VWF: variants seen among roughly 807,000 people sequenced by gnomAD.
The protein encoded by VWF is von Willebrand factor.
In VWF, 176 loss-of-function variants were observed where a neutral mutation model predicts 308.6. The ratio of observed to expected loss-of-function variants is 0.57; its 90% CI spans 0.50 to 0.65. The LOEUF is 0.65. Ranked by LOEUF, VWF falls within the 30% of genes least tolerant of loss-of-function variation. The pLI is 0.00. For synonymous variants in VWF, 1,385 were observed against 1,443.4 expected (o/e 0.96, Z 0.92); for missense variants, 3,146 against 3,648.2 (o/e 0.86, Z 3.55).
chr12:6,111,535 G>A (rs530663437), intron 3 of VWF, among the ~76,000 whole-genome samples: 1 of 152,214 alleles, frequency 6.6e-6, no homozygotes, highest in South Asian at 2.1e-4. Flanking sequence ...ACCACATCCA[G>A]CTAATTTTTT....
At chr12:5,954,127 G>A (rs1175957518) in intron 47 of VWF, among the ~76,000 whole-genome samples, 2 of 152,124 alleles carry the variant, frequency 1.3e-5, no homozygotes, top group African/African-American at 4.8e-5. Flanking sequence ...TCATCATTGA[G>A]TCTAAATAAC....
chr12:6,053,786 A>G (rs1276034568), intron 15 of VWF, among the ~76,000 whole-genome samples: 1 of 152,168 alleles, frequency 6.6e-6, no homozygotes, highest in Non-Finnish European at 1.5e-5. Context: ...GCATGTGGAG[A>G]ATGTTCACTG....
At chr12:5,975,051 AG>A (rs1391403673) in intron 43 of VWF, among the ~76,000 whole-genome samples, 12 of 152,216 alleles carry the variant, frequency 7.9e-5, no homozygotes, top group Admixed American at 7.8e-4. Context: ...AGAAAACCAA[AG>A]GGTTTCCAAA....
Position 6,058,689 on chromosome 12 carries a change from T to C in VWF, c.1534-645A>G, listed in dbSNP as rs754291369. Among the ~76,000 whole-genome samples the C allele has an allele frequency of 6.6e-6, 1 of 151,772 alleles. No homozygotes were observed. Among genetic ancestry groups the C allele is most frequent in the African/African-American group, 2.4e-5 (1 of 41,270 alleles). On this transcript the variant is annotated intron_variant, in intron 13 of 51. Transcript: ENST00000261405. This position sits in a 1 kb window ranked among gnomAD's most constrained non-coding sequence, Gnocchi z 4.9. ...CTCTGAGGGTGATGATGGATAGGAGTAGGAGTCTGCAGAGGCTCTGAGGCA... is the reference window on the plus strand; with the variant it reads ...CTCTGAGGGTGATGATGGATAGGAGCAGGAGTCTGCAGAGGCTCTGAGGCA...
chr12:6,103,438 A>ATACACGTGTGTG (rs1945200434), intron 5 of VWF, among the ~76,000 whole-genome samples: 1 of 122,176 alleles, frequency 8.2e-6, no homozygotes, highest in Admixed American at 7.9e-5. Context: ...ACACGTGTGT[A>ATACACGTGTGTG]TATACATACA....
intron 34 of VWF, among the ~76,000 whole-genome samples, chr12:6,002,676 CA>C (rs1173404770): frequency 2.0e-5 from 3 of 151,048 alleles, no homozygotes; most frequent in Non-Finnish European, 4.4e-5. Context: ...GTTACTCCAC[CA>C]AAAAAAAGAA....
intron 18 of VWF, 48 bp downstream of exon 18, chr12:6,044,243 T>G (rs773651911): frequency 1.2e-6 from 2 of 1,610,664 alleles, no homozygotes; most frequent in Non-Finnish European, 1.7e-6. Flanking sequence ...CATCCCTGCC[T>G]ACAAGAAAAC....
At chr12:5,958,534 A>C (rs1403561209) in intron 47 of VWF, among the ~76,000 whole-genome samples, 1 of 152,068 alleles carries the variant, frequency 6.6e-6, no homozygotes, top group Non-Finnish European at 1.5e-5. Flanking sequence ...CAAAAAATAC[A>C]AAAAATCAGT....
intron 5 of VWF, among the ~76,000 whole-genome samples, chr12:6,106,771 A>G (rs1648191444): frequency 6.6e-6 from 1 of 151,556 alleles, no homozygotes; most frequent in Non-Finnish European, 1.5e-5. Flanking sequence ...GCTACTAGGG[A>G]AGCTGAGACT....
intron 47 of VWF, among the ~76,000 whole-genome samples, chr12:5,958,070 T>TA (rs2136344236): frequency 6.7e-6 from 1 of 149,390 alleles, no homozygotes; most frequent in African/African-American, 2.5e-5. Flanking sequence ...TATGAAGAAA[T>TA]ACAGTGAAAA....
chr12:5,954,412 A>C (rs943978856), intron 47 of VWF, among the ~76,000 whole-genome samples: 2 of 152,230 alleles, frequency 1.3e-5, no homozygotes, highest in African/African-American at 4.8e-5. Flanking sequence ...GAAGACCAAA[A>C]TCAAGAATAA....
chr12:5,983,259 G>A lies in VWF; in HGVS notation c.6977-5C>T, dbSNP rs1565818654. 1 of 1,613,744 alleles carries A rather than the reference G, an allele frequency of 6.2e-7. No individual in the cohort carries two copies. The highest frequency in any genetic ancestry group is 1.1e-5 in the South Asian group (1 of 90,986). On this transcript the variant is annotated splice_polypyrimidine_tract_variant and splice_region_variant and intron_variant, in intron 40 of 51. Transcript: ENST00000261405. ...CACAGCTCACTGGGTCACACACTGAGGGCCAGAAAGAGAGACGTCCATGCA... is the reference window on the plus strand; with the variant it reads ...CACAGCTCACTGGGTCACACACTGAAGGCCAGAAAGAGAGACGTCCATGCA...
chr12:5,970,510 G>A lies in VWF; in HGVS notation c.7548+1089C>T, dbSNP rs112342958. The stretch of plus-strand genomic sequence containing the variant: ...CAGCCCCTGATCTGAGCTGGACCTT[G>A]ACCCTGGGGAGAAGAAACAAAACCT... On this transcript the variant is annotated intron_variant, in intron 44 of 51. Transcript: ENST00000261405. Among the ~76,000 whole-genome samples the A allele has an allele frequency of 1.7e-3, 259 of 152,262 alleles. 1 individual carries two copies. Among genetic ancestry groups the A allele is most frequent in the African/African-American group, 5.9e-3 (246 of 41,562 alleles).
intron 34 of VWF, among the ~76,000 whole-genome samples, chr12:6,000,811 C>CAAAAAAAAAAAAAAAAAAAAAAAAAAAA (rs71064181): frequency 1.4e-5 from 1 of 69,806 alleles, no homozygotes; most frequent in Non-Finnish European, 2.6e-5. Context: ...GACTCTGTCT[C>CAAAAAAAAAAAAAAAAAAAAAAAAAAAA]AAAAAAAAAA....
intron 6 of VWF, among the ~76,000 whole-genome samples, chr12:6,093,669 G>T (rs765493630): frequency 3.3e-5 from 5 of 152,214 alleles, no homozygotes; most frequent in Non-Finnish European, 7.3e-5. Flanking sequence ...CAGCTTCACA[G>T]CTGCACCTAC....
intron 47 of VWF, among the ~76,000 whole-genome samples, chr12:5,959,195 G>A (rs1943283230): frequency 6.6e-6 from 1 of 152,124 alleles, no homozygotes; most frequent in Non-Finnish European, 1.5e-5. Context: ...GCGACACAGT[G>A]AGATCCTATC....
At chr12:6,036,365 C>T (rs375507843) in intron 19 of VWF, 23 bp downstream of exon 19, 28 of 1,611,380 alleles carry the variant, frequency 1.7e-5, no homozygotes, top group African/African-American at 4.0e-5. Flanking sequence ...GGGTCCCCGG[C>T]GCAGCCCCTC....
chr12:6,033,248 TTGA>T (rs1192030997), intron 20 of VWF, among the ~76,000 whole-genome samples: 9 of 152,200 alleles, frequency 5.9e-5, no homozygotes, highest in Non-Finnish European at 8.8e-5. Context: ...GAGTTAGGTC[TTGA>T]TGATACTCCC....
intron 5 of VWF, among the ~76,000 whole-genome samples, chr12:6,103,468 A>ATG (rs1491508016): frequency 8.7e-5 from 5 of 57,760 alleles, no homozygotes; most frequent in South Asian, 9.1e-4. Flanking sequence ...GTATATACAC[A>ATG]TATGTGTGTA....
Sources: allele counts gnomAD v4.1 joint callset (sites outside exome capture counted in the v4.1 genomes callset), GRCh38; gene constraint gnomAD v4.1.1; non-coding constraint Gnocchi (gnomAD v3.1); transcripts MANE v1.5; gene names NCBI Gene and HGNC (gene_info 2026-07-23, HGNC 2026-07-21).